The following KALRN variants were observed in gnomAD, a reference collection of about 807,000 sequenced individuals.
KALRN encodes kalirin.
A neutral mutation model predicts 353.7 loss-of-function variants in KALRN; 70 were observed. That is an observed-to-expected ratio of 0.20 (90% confidence interval 0.16 to 0.24). The LOEUF is 0.24. KALRN is among the 10% of genes least tolerant of loss of function. The pLI, the probability that KALRN is intolerant of heterozygous loss-of-function variation, is 1.00. For missense variants in KALRN, 2,791 were observed against 3,756.7 expected, an observed-to-expected ratio of 0.74 and a Z score of 6.72; for synonymous variants, 1,391 against 1,434.8, an observed-to-expected ratio of 0.97 and a Z score of 0.69.
At chr3:124,089,557 G>A (rs930816254) in intron 1 of KALRN, among the ~76,000 whole-genome samples, 1 of 152,138 alleles carries the variant, frequency 6.6e-6, no homozygotes, top group African/African-American at 2.4e-5. Context: ...TGGCTGCGAG[G>A]GAAACAGAGG....
At chr3:124,456,754 G>T in intron 23 of KALRN, 26 bp downstream of exon 23, 1 of 1,546,278 alleles carries the variant, frequency 6.5e-7, no homozygotes, top group Non-Finnish European at 8.9e-7. Flanking sequence ...CGCCCAGCTA[G>T]CTGGCTCCCC....
intron 1 of KALRN, among the ~76,000 whole-genome samples, chr3:124,162,009 G>A (rs960308204): frequency 5.3e-5 from 8 of 152,206 alleles, no homozygotes; most frequent in Admixed American, 5.2e-4. Flanking sequence ...AATCATCCCA[G>A]AAAATGAAGC....
chr3:124,414,671 C>G (rs1251207983), intron 14 of KALRN, among the ~76,000 whole-genome samples: 8 of 152,110 alleles, frequency 5.3e-5, no homozygotes, highest in Admixed American at 5.2e-4. Context: ...ATCTTGAGGA[C>G]CGCTGGTTGA....
rs2086621544 is a variant in KALRN at position 124,672,753 on chromosome 3, A to G, written c.6942+855A>G. 2.0e-5 allele frequency among the ~76,000 whole-genome samples: 3 copies of G among 152,374 alleles called. No homozygotes were observed. In the South Asian group the frequency reaches 6.2e-4, roughly 32 times the overall value. Reference sequence around the variant, plus strand: ...TGGGAAAAGTGCTAGATTAGGAATCAGGCAAACCTGGTTTCTATTCCCAGT... The same window carrying G: ...TGGGAAAAGTGCTAGATTAGGAATCGGGCAAACCTGGTTTCTATTCCCAGT... On this transcript the variant is annotated intron_variant, in intron 48 of 59. Coordinates refer to ENST00000682506, the MANE Select transcript of KALRN (RefSeq NM_001388419.1).
chr3:124,505,108 G>T (rs2065066841), intron 33 of KALRN, among the ~76,000 whole-genome samples: 1 of 152,126 alleles, frequency 6.6e-6, no homozygotes. Context: ...CAGACCTTTT[G>T]ATGTATCACT....
intron 2 of KALRN, among the ~76,000 whole-genome samples, chr3:124,234,587 T>C (rs1320669606): frequency 6.6e-6 from 1 of 152,228 alleles, no homozygotes; most frequent in Non-Finnish European, 1.5e-5. Context: ...CCCTGTAATG[T>C]GCACAGTACT....
intron 6 of KALRN, among the ~76,000 whole-genome samples, chr3:124,321,705 A>G (rs2079358000): frequency 6.6e-6 from 1 of 152,222 alleles, no homozygotes; most frequent in South Asian, 2.1e-4. Flanking sequence ...GGGTGTCAAT[A>G]TACACGGTTT....
intron 9 of KALRN, among the ~76,000 whole-genome samples, chr3:124,342,219 C>T (rs2081819293): frequency 6.6e-6 from 1 of 151,438 alleles, no homozygotes; most frequent in Non-Finnish European, 1.5e-5. Context: ...TTGTTATATA[C>T]GTAGATTGCG....
Position 124,620,594 on chromosome 3 carries a change from G to A in KALRN, c.5183-11826G>A, listed in dbSNP as rs574229894. Among the ~76,000 whole-genome samples, 38 of 152,312 alleles carry A rather than the reference G, an allele frequency of 2.5e-4. No homozygotes were observed. In the South Asian group the frequency reaches 6.8e-3, roughly 27 times the overall value. ...AGCAGATCTGCTTTCACTGACTTTT[G>A]CTTGATCCCACATATCAAGCTTCAG... On this transcript the variant is annotated intron_variant, in intron 34 of 59. Coordinates refer to ENST00000682506, the MANE Select transcript of KALRN (RefSeq NM_001388419.1).
intron 34 of KALRN, among the ~76,000 whole-genome samples, chr3:124,589,190 C>G (rs1005729926): frequency 2.6e-5 from 4 of 152,214 alleles, no homozygotes; most frequent in African/African-American, 9.6e-5. Context: ...AATATCTCTT[C>G]CTTGGTCCTT....
intron 51 of KALRN, among the ~76,000 whole-genome samples, chr3:124,686,046 C>T (rs1036586902): frequency 5.9e-5 from 9 of 151,880 alleles, no homozygotes; most frequent in Admixed American, 2.0e-4. Flanking sequence ...GGAGGACTAA[C>T]GAACAATGTA....
intron 1 of KALRN, among the ~76,000 whole-genome samples, chr3:124,202,790 C>T (rs2076075640): frequency 6.6e-6 from 1 of 152,152 alleles, no homozygotes; most frequent in Non-Finnish European, 1.5e-5. Flanking sequence ...ACACCTCTTC[C>T]CCTCTGGAGA....
intron 7 of KALRN, 30 bp downstream of exon 7, chr3:124,326,201 G>C (rs2079888246): frequency 1.3e-6 from 2 of 1,592,860 alleles, no homozygotes; most frequent in Non-Finnish European, 1.7e-6. Flanking sequence ...AGCAGCTGCT[G>C]TTGGTAGGAA....
chr3:124,042,039 G>A (rs2040014651), intron 1 of KALRN, among the ~76,000 whole-genome samples: 1 of 152,226 alleles, frequency 6.6e-6, no homozygotes, highest in Non-Finnish European at 1.5e-5. Context: ...AGTGGCAGAC[G>A]CTTTGTACAC....
At chr3:124,278,419 A>G (rs1192103604) in intron 5 of KALRN, among the ~76,000 whole-genome samples, 1 of 150,998 alleles carries the variant, frequency 6.6e-6, no homozygotes. Flanking sequence ...AACAGGGGAA[A>G]GGTTTTGGTA....
chr3:124,698,144 T>C (rs1025088558), intron 55 of KALRN, among the ~76,000 whole-genome samples: 4 of 151,970 alleles, frequency 2.6e-5, no homozygotes, highest in African/African-American at 9.7e-5. Context: ...AATTTTTGTA[T>C]TTTTAGTAGA....
intron 47 of KALRN, among the ~76,000 whole-genome samples, chr3:124,670,277 C>T (rs936332358): frequency 2.4e-4 from 36 of 152,380 alleles, no homozygotes; most frequent in Non-Finnish European, 4.3e-4. Context: ...CACCACTGCA[C>T]CTGGCCCTTC....
intron 6 of KALRN, among the ~76,000 whole-genome samples, chr3:124,316,911 T>C (rs1018960007): frequency 5.3e-5 from 8 of 152,218 alleles, no homozygotes; most frequent in Non-Finnish European, 8.8e-5. Flanking sequence ...AAGATATTGA[T>C]GAAAGCAAAG....
At chr3:124,176,718 G>A (rs1327181465) in intron 1 of KALRN, among the ~76,000 whole-genome samples, 2 of 152,180 alleles carry the variant, frequency 1.3e-5, no homozygotes, top group African/African-American at 2.4e-5. Context: ...GGTTCAGTTA[G>A]GTGCTCTGCT....
Sources: allele counts gnomAD v4.1 joint callset (sites outside exome capture counted in the v4.1 genomes callset), GRCh38; gene constraint gnomAD v4.1.1; transcripts MANE v1.5; gene names NCBI Gene and HGNC (gene_info 2026-07-23, HGNC 2026-07-21).